Variants in CPQ observed in about 807,000 individuals in gnomAD.
The protein encoded by CPQ is carboxypeptidase Q.
A neutral mutation model predicts 45.7 loss-of-function variants in CPQ; 37 were observed. The observed-to-expected ratio is 0.81, with a 90% confidence interval of 0.62 to 1.07. The LOEUF (loss-of-function observed/expected upper bound fraction) is 1.07. Among genes scored for constraint, CPQ ranks in the 50% least tolerant of loss-of-function variants. CPQ has a pLI of 0.00. For missense variants in CPQ, 537 were observed against 572.9 expected, an observed-to-expected ratio of 0.94 and a Z score of 0.64; for synonymous variants, 186 against 205.8, an observed-to-expected ratio of 0.90 and a Z score of 0.82.
At chr8:96,767,545 C>T (rs934575626) in intron 1 of CPQ, among the ~76,000 whole-genome samples, 37 of 150,648 alleles carry the variant, frequency 2.5e-4, no homozygotes, top group African/African-American at 9.1e-4. Context: ...ACACCTACTC[C>T]CCTGATAAAT....
chr8:97,031,358 T>C (rs1411195662), intron 6 of CPQ, among the ~76,000 whole-genome samples: 1 of 151,968 alleles, frequency 6.6e-6, no homozygotes, highest in Non-Finnish European at 1.5e-5. Context: ...AGCTAATTTT[T>C]TGTACTTTTA....
intron 6 of CPQ, among the ~76,000 whole-genome samples, chr8:97,032,415 C>T (rs1206370268): frequency 6.6e-6 from 1 of 152,190 alleles, no homozygotes; most frequent in Non-Finnish European, 1.5e-5. Flanking sequence ...TTTCTACTCA[C>T]ACTCCATTGG....
chr8:96,827,080 G>A (rs949113010), intron 2 of CPQ, among the ~76,000 whole-genome samples: 23 of 152,086 alleles, frequency 1.5e-4, no homozygotes, highest in African/African-American at 4.1e-4. Context: ...TATATCATGC[G>A]TATTCATATT....
chr8:96,807,454 CG>C (rs1811098627), intron 2 of CPQ, among the ~76,000 whole-genome samples: 1 of 151,980 alleles, frequency 6.6e-6, no homozygotes, highest in Non-Finnish European at 1.5e-5. Flanking sequence ...AGGATGGTCT[CG>C]ATCTCCTGAC....
At chr8:96,654,153 A>G (rs1815611406) in intron 1 of CPQ, among the ~76,000 whole-genome samples, 1 of 152,222 alleles carries the variant, frequency 6.6e-6, no homozygotes, top group Admixed American at 6.5e-5. Context: ...GCACTGGTTC[A>G]GAAGCACTCC....
Position 96,926,576 on chromosome 8 carries a change from C to CTCTTCCTCTTCTTCT in CPQ, c.850-39354_850-39353insCTCTTCTTCTTCTTC, listed in dbSNP as rs1445697100. On this transcript the variant is annotated intron_variant, in intron 4 of 7. Coordinates refer to ENST00000220763, the MANE Select transcript of CPQ (RefSeq NM_016134.4). ...CCTCTTCCTCTTCCTCTTCCTCTTC[C>CTCTTCCTCTTCTTCT]TCTTCTTCTTCTTCTTCTTCTTCTT... 2.5e-3 allele frequency among the ~76,000 whole-genome samples: 186 copies of CTCTTCCTCTTCTTCT among 75,012 alleles called. 2 individuals are homozygous for CTCTTCCTCTTCTTCT. Among genetic ancestry groups the CTCTTCCTCTTCTTCT allele is most frequent in the African/African-American group, 8.1e-3 (99 of 12,248 alleles). The allele number at this position is 75,012 out of a possible 152,430, so 49.2% of individuals were successfully genotyped here.
At chr8:97,134,625 G>T (rs1812017690) in intron 7 of CPQ, among the ~76,000 whole-genome samples, 1 of 152,216 alleles carries the variant, frequency 6.6e-6, no homozygotes, top group Non-Finnish European at 1.5e-5. Context: ...GATCAGAGCT[G>T]CAAATGAAGC....
chr8:97,025,436 C>T (rs932198237), intron 5 of CPQ, among the ~76,000 whole-genome samples: 1 of 152,226 alleles, frequency 6.6e-6, no homozygotes, highest in South Asian at 2.1e-4. Flanking sequence ...GAGGTCAAGG[C>T]GTCTCTGGCA....
chr8:96,714,761 G>T (rs1210219550), intron 1 of CPQ, among the ~76,000 whole-genome samples: 1 of 152,054 alleles, frequency 6.6e-6, no homozygotes, highest in African/African-American at 2.4e-5. Flanking sequence ...CTTTTGGATA[G>T]ATAATTTTTT....
At chr8:97,024,575 A>G (rs1809765481) in intron 5 of CPQ, among the ~76,000 whole-genome samples, 2 of 152,088 alleles carry the variant, frequency 1.3e-5, no homozygotes, top group South Asian at 2.1e-4. Flanking sequence ...TAAAATAATT[A>G]ATTTTTGTCT....
intron 2 of CPQ, among the ~76,000 whole-genome samples, chr8:96,799,195 T>G (rs1810974346): frequency 6.6e-6 from 1 of 152,346 alleles, no homozygotes; most frequent in East Asian, 1.9e-4. Context: ...CTATTCTTTC[T>G]GGAAACTTAA....
chr8:97,142,475 A>G (rs1453940626), intron 7 of CPQ, among the ~76,000 whole-genome samples: 2 of 152,228 alleles, frequency 1.3e-5, no homozygotes, highest in Admixed American at 1.3e-4. Context: ...AAACTTGAAC[A>G]AAGGGGTATT....
At chr8:97,031,725 A>G (rs1292601407) in intron 6 of CPQ, among the ~76,000 whole-genome samples, 1 of 152,328 alleles carries the variant, frequency 6.6e-6, no homozygotes, top group East Asian at 1.9e-4. Context: ...AAACAGAACT[A>G]CTTTATCTTG....
At position 97,066,839 on chromosome 8, in the gene CPQ, C is replaced by T. The variant is rs371525345; in HGVS notation, c.1255+629C>T. On this transcript the variant is annotated intron_variant, in intron 7 of 7. Coordinates refer to ENST00000220763, the MANE Select transcript of CPQ (RefSeq NM_016134.4). ...AGAGAAGTCCTAAGTCCCTGGGGTT[C>T]AGGGATGAAATTATGAAATGGGAGC... Among the ~76,000 whole-genome samples, 6 of 148,254 alleles carry T rather than the reference C, an allele frequency of 4.0e-5. No homozygotes were observed. In the East Asian group the frequency reaches 1.2e-3, roughly 30 times the overall value.
At chr8:96,908,372 G>A (rs1431458892) in intron 4 of CPQ, among the ~76,000 whole-genome samples, 1 of 152,166 alleles carries the variant, frequency 6.6e-6, no homozygotes, top group African/African-American at 2.4e-5. Context: ...TTGCAAGAGA[G>A]ATTAGTGATG....
chr8:96,804,423 G>T (rs959906027), intron 2 of CPQ, among the ~76,000 whole-genome samples: 1 of 152,010 alleles, frequency 6.6e-6, no homozygotes, highest in Non-Finnish European at 1.5e-5. Flanking sequence ...AATTTTTGTT[G>T]CTAACTAATG....
chr8:96,880,541 A>G (rs1375048838), intron 4 of CPQ, among the ~76,000 whole-genome samples: 1 of 17,102 alleles, frequency 5.8e-5, no homozygotes, highest in African/African-American at 2.0e-4. Flanking sequence ...ATATATATAT[A>G]TATATATATA....
intron 2 of CPQ, among the ~76,000 whole-genome samples, chr8:96,826,416 A>G (rs1811379259): frequency 6.6e-6 from 1 of 152,034 alleles, no homozygotes; most frequent in Non-Finnish European, 1.5e-5. Flanking sequence ...CTATGATAAC[A>G]AACAACCTCC....
At chr8:96,917,156 A>G (rs1339930463) in intron 4 of CPQ, among the ~76,000 whole-genome samples, 1 of 152,082 alleles carries the variant, frequency 6.6e-6, no homozygotes, top group Non-Finnish European at 1.5e-5. Flanking sequence ...TAATTCCAGG[A>G]TTTAAAAAAA....
Sources: gnomAD v4.1 joint callset for allele counts (sites outside exome capture counted in the v4.1 genomes callset) on GRCh38, gnomAD v4.1.1 for gene constraint, MANE v1.5 for transcripts, NCBI Gene and HGNC (gene_info 2026-07-23, HGNC 2026-07-21) for gene names.